The following FYN variants were observed in gnomAD, a reference collection of about 807,000 sequenced individuals.
FYN encodes the protein FYN proto-oncogene, Src family tyrosine kinase.
FYN carries 10 observed loss-of-function variants against 70.2 expected under a neutral mutation model. That is an observed-to-expected ratio of 0.14 (90% CI 0.09 to 0.24). The LOEUF (loss-of-function observed/expected upper bound fraction) is 0.24, where lower values mean the gene tolerates loss of function less well. Among genes scored for constraint, FYN ranks in the 10% least tolerant of loss-of-function variants. The probability of loss-of-function intolerance (pLI) is 1.00; values close to 1 mark genes in which losing one functional copy is unlikely to be tolerated. For synonymous variants in FYN, 236 were observed against 248.6 expected (o/e 0.95, Z 0.48); for missense variants, 319 against 673.1 (o/e 0.47, Z 5.82).
chr6:111,827,830 C>T (rs1245521167), intron 2 of FYN, among the ~76,000 whole-genome samples: 1 of 152,126 alleles, frequency 6.6e-6, no homozygotes, highest in East Asian at 1.9e-4. Context: ...GGTACTCTTT[C>T]TTCTTGGGGG....
intron 12 of FYN, among the ~76,000 whole-genome samples, chr6:111,693,246 A>G (rs1297415355): frequency 2.6e-5 from 4 of 152,180 alleles, no homozygotes. Context: ...AGGAGAAGGA[A>G]AAAGAGAAAG....
At chr6:111,689,264 G>A (rs1799196587) in intron 12 of FYN, among the ~76,000 whole-genome samples, 2 of 152,210 alleles carry the variant, frequency 1.3e-5, no homozygotes, top group Admixed American at 1.3e-4. Context: ...CAAAGCCAGG[G>A]ATCCTAATGT....
intron 13 of FYN, among the ~76,000 whole-genome samples, chr6:111,669,553 A>T (rs1345171061): frequency 6.6e-6 from 1 of 151,930 alleles, no homozygotes. Flanking sequence ...CACTCTGCCT[A>T]GAATAGTGTT....
At chr6:111,755,676 CAG>C (rs1287030628) in intron 3 of FYN, among the ~76,000 whole-genome samples, 1 of 152,198 alleles carries the variant, frequency 6.6e-6, no homozygotes, top group Non-Finnish European at 1.5e-5. Flanking sequence ...ACAACATTCC[CAG>C]ACCACAACAG....
At chr6:111,700,082 G>T in intron 9 of FYN, 22 bp downstream of exon 9, 1 of 1,610,908 alleles carries the variant, frequency 6.2e-7, no homozygotes, top group Admixed American at 1.7e-5. Context: ...GCTAATAAGA[G>T]AGTAATTGAG....
intron 13 of FYN, among the ~76,000 whole-genome samples, chr6:111,665,625 TATTTA>T (rs1426916096): frequency 2.0e-5 from 3 of 151,958 alleles, no homozygotes; most frequent in African/African-American, 4.8e-5. Context: ...ATTTTTTATT[TATTTA>T]TTTTTTTTTG....
intron 3 of FYN, among the ~76,000 whole-genome samples, chr6:111,722,905 T>C (rs1038204444): frequency 6.6e-6 from 1 of 152,226 alleles, no homozygotes; most frequent in Admixed American, 6.5e-5. Context: ...GCTGTTTCCC[T>C]TACATGGATG....
intron 1 of FYN, among the ~76,000 whole-genome samples, chr6:111,866,617 C>CG (rs1774115152): frequency 6.6e-6 from 1 of 152,258 alleles, no homozygotes; most frequent in Non-Finnish European, 1.5e-5. Flanking sequence ...GCTGGGATTA[C>CG]AGGCGTGAGC....
chr6:111,822,599 T>G (rs1772703202), intron 2 of FYN, among the ~76,000 whole-genome samples: 1 of 151,662 alleles, frequency 6.6e-6, no homozygotes, highest in Admixed American at 6.6e-5. Flanking sequence ...CTGCACGTTG[T>G]GCACATGTAC....
At chr6:111,731,902 G>C (rs697642) in intron 3 of FYN, among the ~76,000 whole-genome samples, 3 of 152,082 alleles carry the variant, frequency 2.0e-5, no homozygotes. Context: ...GTTTTCACTA[G>C]AGGTCTGCAT....
chr6:111,683,732 A>C (rs1798872038), intron 12 of FYN, among the ~76,000 whole-genome samples: 1 of 152,208 alleles, frequency 6.6e-6, no homozygotes, highest in South Asian at 2.1e-4. Context: ...TAAAACAAAA[A>C]AAAAAAATCA....
intron 6 of FYN, among the ~76,000 whole-genome samples, chr6:111,707,086 G>T (rs1160575022): frequency 6.6e-6 from 1 of 152,162 alleles, no homozygotes; most frequent in Non-Finnish European, 1.5e-5. Flanking sequence ...AGAGCCAAAG[G>T]TTGGGCTTGG....
At chr6:111,685,448 C>T (rs1798960973) in intron 12 of FYN, among the ~76,000 whole-genome samples, 1 of 152,234 alleles carries the variant, frequency 6.6e-6, no homozygotes. Context: ...CCTTTTCAAT[C>T]TGGTACAGTG....
Position 111,830,513 on chromosome 6 carries a change from G to GA in FYN, c.-82+16075_-82+16076insT, listed in dbSNP as rs1772983701. Among the ~76,000 whole-genome samples the GA allele has an allele frequency of 2.6e-5, 4 of 151,810 alleles. No individual in the cohort carries two copies. In the South Asian group the frequency reaches 8.3e-4, roughly 32 times the overall value. ...TAGAAAGTGTGGTAGCACAGTGCTG[G>GA]GAGAGAGTCCAGGGGCAAGATGACT... On this transcript the variant is annotated intron_variant, in intron 2 of 13. Coordinates refer to ENST00000354650, the MANE Select transcript of FYN (RefSeq NM_002037.5).
At chr6:111,762,129 T>A (rs986017989) in intron 3 of FYN, among the ~76,000 whole-genome samples, 1 of 152,152 alleles carries the variant, frequency 6.6e-6, no homozygotes, top group African/African-American at 2.4e-5. Flanking sequence ...TGGCTTGAAC[T>A]GGAAAAAATA....
chr6:111,823,505 T>A (rs573129099), intron 2 of FYN, among the ~76,000 whole-genome samples: 72 of 152,186 alleles, frequency 4.7e-4, no homozygotes, highest in African/African-American at 1.6e-3. Flanking sequence ...AGGCAAAAAA[T>A]TTTATACTTT....
At chr6:111,669,668 T>C (rs763733170) in intron 13 of FYN, among the ~76,000 whole-genome samples, 10 of 152,104 alleles carry the variant, frequency 6.6e-5, no homozygotes, top group African/African-American at 1.2e-4. Flanking sequence ...GTGAAGATGA[T>C]GGAATGCAGT....
chr6:111,722,488 A>G (rs1801001064), intron 3 of FYN, among the ~76,000 whole-genome samples: 1 of 152,218 alleles, frequency 6.6e-6, no homozygotes, highest in African/African-American at 2.4e-5. Flanking sequence ...AAGTTGCTCC[A>G]CATTTCTGCA....
chr6:111,768,675 C>T, intron 3 of FYN, among the ~76,000 whole-genome samples: 1 of 152,328 alleles, frequency 6.6e-6, no homozygotes, highest in African/African-American at 2.4e-5. Flanking sequence ...GCAGATGATG[C>T]TCTGCCACTA....
Sources: gnomAD v4.1 joint callset for allele counts (sites outside exome capture counted in the v4.1 genomes callset) on GRCh38, gnomAD v4.1.1 for gene constraint, MANE v1.5 for transcripts, NCBI Gene and HGNC (gene_info 2026-07-23, HGNC 2026-07-21) for gene names.